The following PRRX1 variants were observed in gnomAD, a reference collection of about 807,000 sequenced individuals.
PRRX1 encodes the protein paired related homeobox 1.
PRRX1 carries 8 observed loss-of-function variants against 24.0 expected under a neutral mutation model. The ratio of observed to expected loss-of-function variants is 0.33; its 90% CI spans 0.20 to 0.60. PRRX1 has a LOEUF of 0.60. Ranked by LOEUF, PRRX1 falls within the 20% of genes least tolerant of loss-of-function variation. The probability of loss-of-function intolerance (pLI) is 0.82; values close to 1 mark genes in which losing one functional copy is unlikely to be tolerated. For missense variants in PRRX1, 281 were observed against 322.4 expected, an observed-to-expected ratio of 0.87 and a Z score of 0.98; for synonymous variants, 160 against 131.7, an observed-to-expected ratio of 1.22 and a Z score of -1.47.
At chr1:170,674,908 A>G (rs754623207) in intron 1 of PRRX1, among the ~76,000 whole-genome samples, 1 of 152,242 alleles carries the variant, frequency 6.6e-6, no homozygotes, top group Non-Finnish European at 1.5e-5. Flanking sequence ...TGGTGTTAAA[A>G]TATTTTCTCT....
intron 1 of PRRX1, among the ~76,000 whole-genome samples, chr1:170,676,834 C>T (rs1035909210): frequency 6.6e-6 from 1 of 152,138 alleles, no homozygotes; most frequent in Non-Finnish European, 1.5e-5. Context: ...CATGCCATTT[C>T]ATAACATATT....
chr1:170,688,967 A>G (rs1183999985), intron 1 of PRRX1, among the ~76,000 whole-genome samples: 1 of 152,166 alleles, frequency 6.6e-6, no homozygotes, highest in Non-Finnish European at 1.5e-5. Context: ...TTATCAATAT[A>G]CATTAGAAAT....
intron 2 of PRRX1, among the ~76,000 whole-genome samples, chr1:170,725,318 T>A (rs995928998): frequency 6.6e-6 from 1 of 152,152 alleles, no homozygotes; most frequent in Non-Finnish European, 1.5e-5. Context: ...AAAATTAAAT[T>A]ATAGGTTTAT....
At chr1:170,708,023 G>A (rs759071385) in intron 1 of PRRX1, among the ~76,000 whole-genome samples, 6 of 152,060 alleles carry the variant, frequency 3.9e-5, no homozygotes, top group Non-Finnish European at 8.8e-5. Flanking sequence ...TTCCTTTTCT[G>A]GTTATCATTT....
intron 1 of PRRX1, among the ~76,000 whole-genome samples, chr1:170,693,627 A>G (rs187984293): frequency 3.2e-4 from 49 of 152,268 alleles, no homozygotes; most frequent in African/African-American, 1.1e-3. Context: ...TTACTCAGCT[A>G]GACTCTTAAA....
intron 1 of PRRX1, among the ~76,000 whole-genome samples, chr1:170,714,519 C>T (rs1316639399): frequency 6.6e-6 from 1 of 152,032 alleles, no homozygotes. Context: ...GTGACCCAGG[C>T]ATAGGAAACG....
At chr1:170,713,708 T>G (rs146308049) in intron 1 of PRRX1, among the ~76,000 whole-genome samples, 106 of 152,326 alleles carry the variant, frequency 7.0e-4, no homozygotes, top group African/African-American at 2.5e-3. Context: ...TTAGAGCATT[T>G]TGTTCTCCAG....
At chr1:170,700,903 G>C (rs1045363118) in intron 1 of PRRX1, among the ~76,000 whole-genome samples, 2 of 152,124 alleles carry the variant, frequency 1.3e-5, no homozygotes, top group Non-Finnish European at 2.9e-5. Flanking sequence ...GACAACATAG[G>C]GAAATCATGA....
chr1:170,714,318 T>A (rs1654839435), intron 1 of PRRX1, among the ~76,000 whole-genome samples: 1 of 152,202 alleles, frequency 6.6e-6, no homozygotes, highest in African/African-American at 2.4e-5. Context: ...AGTAAGTAGC[T>A]GTTGTGCAAT....
In PRRX1 at chr1:170,707,671, C is replaced by T. The variant is rs375316553; in HGVS notation, c.242-12055C>T. On this transcript the variant is annotated intron_variant, in intron 1 of 3. Transcript: ENST00000239461. Reference sequence around the variant, plus strand: ...TGAGTAAATTAACCACATAATTATACCCTGTGCCATTTTAATCAAATAGAT... The same window carrying T: ...TGAGTAAATTAACCACATAATTATATCCTGTGCCATTTTAATCAAATAGAT... 1.5e-4 allele frequency among the ~76,000 whole-genome samples: 23 copies of T among 152,194 alleles called. No homozygotes were observed. The East Asian group carries it at 3.9e-3, about 26-fold the overall frequency.
intron 3 of PRRX1, chr1:170,730,454 G>T: frequency 1.1e-6 from 1 of 936,724 alleles, no homozygotes; most frequent in Non-Finnish European, 1.7e-6. Context: ...TTTCAGCAGT[G>T]AAGTCCTCAA....
chr1:170,664,462 G>A lies in PRRX1; in HGVS notation c.241+3G>A. The A allele has an allele frequency of 6.3e-7, 1 of 1,597,718 alleles. No homozygotes were observed. The highest frequency in any genetic ancestry group is 1.8e-4 in the Middle Eastern group (1 of 5,446). On this transcript the variant is annotated splice_donor_region_variant and intron_variant, in intron 1 of 3. Transcript: ENST00000239461. ...CAGCGACACCCCGCAGCAGGACAGT[G>A]AGTGAGGGGCGCATGCCCACGGGGG...
At chr1:170,688,867 A>T (rs80313408) in intron 1 of PRRX1, among the ~76,000 whole-genome samples, 3,404 of 152,150 alleles carry the variant, frequency 0.022, 139 homozygotes, top group African/African-American at 0.078. Context: ...AACTTATTTG[A>T]TAATTTTGTG....
At chr1:170,708,457 G>A (rs1309833588) in intron 1 of PRRX1, among the ~76,000 whole-genome samples, 1 of 152,118 alleles carries the variant, frequency 6.6e-6, no homozygotes, top group Non-Finnish European at 1.5e-5. Context: ...CTGTATATTG[G>A]AGAATGAATT....
chr1:170,702,680 C>A (rs1016788937), intron 1 of PRRX1, among the ~76,000 whole-genome samples: 1 of 152,138 alleles, frequency 6.6e-6, no homozygotes, highest in Admixed American at 6.5e-5. Flanking sequence ...CACATGAGCA[C>A]CCTCTAAAGG....
intron 3 of PRRX1, chr1:170,728,624 T>C (rs1243116321): frequency 1.3e-5 from 2 of 152,210 alleles, no homozygotes; most frequent in East Asian, 1.9e-4. Flanking sequence ...ATAAAATCTG[T>C]TCATATTCTG....
intron 1 of PRRX1, among the ~76,000 whole-genome samples, chr1:170,715,719 G>A (rs1464249116): frequency 6.6e-6 from 1 of 152,176 alleles, no homozygotes; most frequent in African/African-American, 2.4e-5. Context: ...AAGAATGCAA[G>A]AACATCTGGA....
intron 1 of PRRX1, among the ~76,000 whole-genome samples, chr1:170,707,731 C>G (rs1654613165): frequency 6.6e-6 from 1 of 152,134 alleles, no homozygotes; most frequent in East Asian, 1.9e-4. Context: ...GTCAATGAAA[C>G]TTTTACCAAT....
chr1:170,732,578 C>T (rs1298401670), intron 3 of PRRX1, among the ~76,000 whole-genome samples: 1 of 152,146 alleles, frequency 6.6e-6, no homozygotes, highest in Non-Finnish European at 1.5e-5. Flanking sequence ...AGATCCATGT[C>T]AAACTACTGG....
Sources: allele counts gnomAD v4.1 joint callset (sites outside exome capture counted in the v4.1 genomes callset), GRCh38; gene constraint gnomAD v4.1.1; transcripts MANE v1.5; gene names NCBI Gene and HGNC (gene_info 2026-07-23, HGNC 2026-07-21).